CFAP206: variants seen among roughly 807,000 people sequenced by gnomAD.
The protein encoded by CFAP206 is cilia and flagella associated protein 206.
Under a neutral mutation model 65.4 loss-of-function variants are expected in CFAP206, and 53 were observed. The ratio of observed to expected loss-of-function variants is 0.81; its 90% CI spans 0.65 to 1.02. The LOEUF (loss-of-function observed/expected upper bound fraction) is 1.02, where lower values mean the gene tolerates loss of function less well. CFAP206 is among the 50% of genes least tolerant of loss of function. The pLI, the probability that CFAP206 is intolerant of heterozygous loss-of-function variation, is 0.00. For missense variants in CFAP206, 663 were observed against 753.2 expected, an observed-to-expected ratio of 0.88 and a Z score of 1.40; for synonymous variants, 250 against 254.4, an observed-to-expected ratio of 0.98 and a Z score of 0.17.
intron 11 of CFAP206, among the ~76,000 whole-genome samples, chr6:87,439,720 G>A (rs1013533835): frequency 5.3e-5 from 8 of 151,874 alleles, no homozygotes; most frequent in African/African-American, 1.9e-4. Flanking sequence ...TTTGTTTGTG[G>A]TGGGAGGTAA....
chr6:87,418,644 A>G (rs761321522), intron 7 of CFAP206, among the ~76,000 whole-genome samples: 1 of 152,194 alleles, frequency 6.6e-6, no homozygotes, highest in Non-Finnish European at 1.5e-5. Context: ...TTGGTACTTG[A>G]TAATATGATT....
intron 2 of CFAP206, among the ~76,000 whole-genome samples, 186 bp downstream of exon 2, chr6:87,410,133 T>C (rs1474160856): frequency 6.6e-6 from 1 of 152,232 alleles, no homozygotes; most frequent in Non-Finnish European, 1.5e-5. Flanking sequence ...TCTAGATTTA[T>C]AGAGACATTT....
chr6:87,424,205 C>T (rs1034489520), intron 7 of CFAP206, among the ~76,000 whole-genome samples: 1 of 152,122 alleles, frequency 6.6e-6, no homozygotes. Flanking sequence ...TTGATTTTCT[C>T]ATTTGTACTT....
Position 87,416,740 on chromosome 6 carries a change from C to T in CFAP206, c.544C>T (p.Arg182Cys), listed in dbSNP as rs367568626. Residue 182 changes from arginine (R) to cysteine (C), a missense_variant, in exon 6 of 13, where the codon CGC becomes TGC. By Grantham distance (180) the Arg-to-Cys change is radical (BLOSUM62 -3). Coordinates refer to ENST00000369562, the MANE Select transcript of CFAP206 (RefSeq NM_001031743.3). ...FLTLSKKDKERQLKELTMIVT... is the reference protein window; with the variant it reads ...FLTLSKKDKECQLKELTMIVT... ...AACTCTTTCTAAGAAGGACAAAGAA[C>T]GCCAGCTGAAAGAACTCACCATGAT... 127 of 1,613,148 alleles carry T rather than the reference C, an allele frequency of 7.9e-5. No homozygotes were observed. In the African/African-American group the frequency reaches 9.0e-4, roughly 11 times the overall value.
Position 87,428,797 on chromosome 6 carries a change from G to T in CFAP206, c.1132G>T (p.Asp378Tyr), listed in dbSNP as rs1768102847. The T allele has an allele frequency of 6.2e-6, 10 of 1,613,960 alleles. No individual in the cohort carries two copies. In the Admixed American group the frequency reaches 1.5e-4, roughly 24 times the overall value. Residue 378 changes from aspartate to tyrosine, a missense_variant, in exon 9 of 13, where the codon GAT (aspartate) becomes TAT (tyrosine). Physicochemically the swap from Asp to Tyr is radical, Grantham distance 160. Transcript: ENST00000369562. ...CHLNGATVKT[D>Y]VCRMKEHMED... ...TCTTAATGGAGCGACTGTGAAAACT[G>T]ATGTGTGTAGAATGAAAGAACACAT...
rs755228124 is a variant in CFAP206 at position 87,418,292 on chromosome 6, G to A, written c.716G>A (p.Arg239His). 29 of 1,613,940 alleles carry A rather than the reference G, an allele frequency of 1.8e-5. No individual in the cohort carries two copies. Among genetic ancestry groups the A allele is most frequent in the African/African-American group, 5.3e-5 (4 of 74,858 alleles). Reference sequence around the variant, plus strand: ...GAGACTGCCCGGAGCCAGGTATACCGCTACACAGCCATCCTTGAGAAGGCA... The same window carrying A: ...GAGACTGCCCGGAGCCAGGTATACCACTACACAGCCATCCTTGAGAAGGCA... The part of the protein sequence containing the change: ...QLETARSQVY[R>H]YTAILEKAAN... Residue 239 changes from arginine to histidine, a missense_variant, in exon 7 of 13, where the codon CGC becomes CAC. Coordinates refer to ENST00000369562, the MANE Select transcript of CFAP206 (RefSeq NM_001031743.3).
chr6:87,417,553 C>CCTTT, intron 6 of CFAP206, among the ~76,000 whole-genome samples: 1 of 132,836 alleles, frequency 7.5e-6, no homozygotes, highest in African/African-American at 2.8e-5. Context: ...ACAAACGTTC[C>CCTTT]TTTTTTTTTT....
intron 2 of CFAP206, 130 bp from the exon 3 acceptor site, chr6:87,410,455 G>A (rs980424715): frequency 2.7e-6 from 2 of 739,204 alleles, no homozygotes; most frequent in Non-Finnish European, 4.7e-6. Context: ...AAGAATAGTT[G>A]GAAAACCAAC....
At chr6:87,426,948 G>T (rs958829145) in intron 8 of CFAP206, among the ~76,000 whole-genome samples, 3 of 152,074 alleles carry the variant, frequency 2.0e-5, no homozygotes, top group Non-Finnish European at 4.4e-5. Context: ...ATAGTAGCTG[G>T]TCAGAAATTG....
intron 11 of CFAP206, among the ~76,000 whole-genome samples, chr6:87,455,633 A>G (rs1768625038): frequency 6.6e-6 from 1 of 152,186 alleles, no homozygotes; most frequent in Admixed American, 6.5e-5. Context: ...CCAGGCTAGG[A>G]AAACATGAGA....
intron 4 of CFAP206, 84 bp downstream of exon 4, chr6:87,413,984 T>A: frequency 1.7e-6 from 1 of 579,978 alleles, no homozygotes; most frequent in Non-Finnish European, 2.8e-6. Flanking sequence ...TGACAATGAA[T>A]TTAATTGTTT....
chr6:87,428,652 G>T lies in CFAP206; in HGVS notation c.987G>T (p.Leu329=). The change falls in exon 9 of 13, where the codon CTG becomes CTT. Residue 329 remains leucine (L), a synonymous_variant. Coordinates refer to ENST00000369562, the MANE Select transcript of CFAP206 (RefSeq NM_001031743.3). ...CTATCTTCATTGCACTTTCTACTCT[G>T]TGGACCAGCTTGCAAGACGAAACTA... ...VFPIFIALST[L]WTSLQDETIV... The T allele has an allele frequency of 1.2e-6, 2 of 1,613,862 alleles. No individual in the cohort carries two copies. The highest frequency in any genetic ancestry group is 1.7e-6 in the Non-Finnish European group (2 of 1,179,982).
chr6:87,433,598 C>G (rs545477826), intron 10 of CFAP206, among the ~76,000 whole-genome samples: 84 of 152,210 alleles, frequency 5.5e-4, no homozygotes, highest in African/African-American at 2.0e-3. Context: ...AAAAATCTAC[C>G]AGATGAGTAA....
rs550427370 is a variant in CFAP206 at position 87,434,737 on chromosome 6, G to T, written c.1301-123G>T. ...GGTCTTGAACTCCTGACCTCAGGTG[G>T]TCTGCCTGCTTTGGCCTCCCAAAGT... On this transcript the variant is annotated intron_variant, in intron 10 of 12. Coordinates refer to ENST00000369562, the MANE Select transcript of CFAP206 (RefSeq NM_001031743.3). 97 of 531,842 alleles carry T rather than the reference G, an allele frequency of 1.8e-4. 1 individual carries two copies. The South Asian group carries it at 2.3e-3, about 12-fold the overall frequency. 32.9% of individuals were successfully genotyped at this position (531,842 alleles called of 1,614,324 possible).
At chr6:87,463,719 T>C (rs544504980) in intron 12 of CFAP206, among the ~76,000 whole-genome samples, 21 of 152,216 alleles carry the variant, frequency 1.4e-4, no homozygotes, top group Non-Finnish European at 2.9e-4. Context: ...CAAAGTATAA[T>C]AATGAAGGAA....
intron 7 of CFAP206, among the ~76,000 whole-genome samples, chr6:87,418,949 A>G (rs1341678996): frequency 6.6e-6 from 1 of 151,982 alleles, no homozygotes; most frequent in African/African-American, 2.4e-5. Flanking sequence ...CCATCTCTAC[A>G]AAAAGTACAA....
At chr6:87,414,883 T>C (rs558365426) in intron 4 of CFAP206, among the ~76,000 whole-genome samples, 17 of 152,358 alleles carry the variant, frequency 1.1e-4, no homozygotes, top group South Asian at 2.1e-4. Flanking sequence ...TGATAAAATT[T>C]AACCTATAGA....
chr6:87,411,397 GTTGT>G (rs1261261879), intron 3 of CFAP206, among the ~76,000 whole-genome samples: 4 of 152,122 alleles, frequency 2.6e-5, no homozygotes, highest in African/African-American at 4.8e-5. Context: ...TTGTTGTCGA[GTTGT>G]TTGAGTTCCT....
intron 3 of CFAP206, among the ~76,000 whole-genome samples, chr6:87,411,650 C>T (rs1268711567): frequency 6.6e-6 from 1 of 152,158 alleles, no homozygotes; most frequent in African/African-American, 2.4e-5. Context: ...TCAGGTCTTA[C>T]ATTTAAGTCT....
Sources: allele counts gnomAD v4.1 joint callset (sites outside exome capture counted in the v4.1 genomes callset), GRCh38; gene constraint gnomAD v4.1.1; transcripts MANE v1.5; gene names NCBI Gene and HGNC (gene_info 2026-07-23, HGNC 2026-07-21).